Variants in DNAJC11 observed in about 807,000 individuals in gnomAD.
The protein encoded by DNAJC11 is dnaJ homolog subfamily C member 11.
A neutral mutation model predicts 78.6 loss-of-function variants in DNAJC11; 15 were observed. The observed-to-expected ratio is 0.19, with a 90% CI of 0.13 to 0.29. The LOEUF is 0.29. DNAJC11 is among the 10% of genes least tolerant of loss of function. The pLI is 1.00. For missense variants in DNAJC11, 547 were observed against 709.6 expected (o/e 0.77, Z 2.60); for synonymous variants, 292 against 272.1 (o/e 1.07, Z -0.72).
rs571708262 is a variant in DNAJC11 at position 6,651,397 on chromosome 1, G to C, written c.704+132C>G. On this transcript the variant is annotated intron_variant, in intron 7 of 15. Coordinates refer to ENST00000377577, the MANE Select transcript of DNAJC11 (RefSeq NM_018198.4). ...TGGGCTTCACGCCAGTGCTATACCTGCCCTTGATGTACGCAGTGACCTTGT... is the reference window on the plus strand; with the variant it reads ...TGGGCTTCACGCCAGTGCTATACCTCCCCTTGATGTACGCAGTGACCTTGT... 14 of 774,478 alleles carry C rather than the reference G, an allele frequency of 1.8e-5. No individual in the cohort carries two copies. In the South Asian group the frequency reaches 2.3e-4, roughly 13 times the overall value. The allele number at this position is 774,478 out of a possible 1,614,324, so 48.0% of individuals were successfully genotyped here.
At chr1:6,636,077 GC>G in intron 15 of DNAJC11, 39 bp downstream of exon 15, 1 of 1,590,712 alleles carries the variant, frequency 6.3e-7, no homozygotes, top group Admixed American at 1.7e-5. Context: ...CGAGGTCCCC[GC>G]CCCCGTTAGC....
At chr1:6,652,775 T>A in intron 6 of DNAJC11, 54 bp downstream of exon 6, 1 of 1,609,322 alleles carries the variant, frequency 6.2e-7, no homozygotes, top group East Asian at 2.2e-5. Context: ...AGTGTAAATG[T>A]TCAGAAATAA....
At chr1:6,639,231 A>G (rs1044470573) in intron 11 of DNAJC11, among the ~76,000 whole-genome samples, 3 of 152,094 alleles carry the variant, frequency 2.0e-5, no homozygotes, top group African/African-American at 7.2e-5. Context: ...CAGGCCCCTC[A>G]CATACGGATC....
At chr1:6,671,762 G>A (rs1642384035) in intron 3 of DNAJC11, among the ~76,000 whole-genome samples, 1 of 151,842 alleles carries the variant, frequency 6.6e-6, no homozygotes, top group African/African-American at 2.4e-5. Context: ...TTGTTCTCCT[G>A]ACCTCGTGAT....
At chr1:6,644,941 A>C in intron 9 of DNAJC11, 100 bp downstream of exon 9, 1 of 1,135,628 alleles carries the variant, frequency 8.8e-7, no homozygotes, top group Non-Finnish European at 1.3e-6. Context: ...ACACACACGT[A>C]GATATTCACA....
intron 12 of DNAJC11, 102 bp downstream of exon 12, chr1:6,638,193 T>C (rs1641816141): frequency 4.3e-6 from 5 of 1,172,262 alleles, no homozygotes; most frequent in South Asian, 3.2e-5. Context: ...AGCCAAGTTG[T>C]TGGAGAAGAG....
intron 4 of DNAJC11, among the ~76,000 whole-genome samples, chr1:6,663,966 A>T (rs1642256913): frequency 6.6e-6 from 1 of 152,190 alleles, no homozygotes; most frequent in South Asian, 2.1e-4. Flanking sequence ...GGCCCTGGAC[A>T]CCAAGTCCAA....
Position 6,636,248 on chromosome 1 carries a change from T to TG in DNAJC11, c.1525-3dup. ...GTCATAAAAGCCAGGCAGCCCAGCCTGTAACAAACAAATTGCTACTCTCAA... is the reference window on the plus strand; with the variant it reads ...GTCATAAAAGCCAGGCAGCCCAGCCTGGTAACAAACAAATTGCTACTCTCAA... On this transcript the variant is annotated splice_region_variant and splice_polypyrimidine_tract_variant and intron_variant, in intron 14 of 15. Transcript: ENST00000377577. The TG allele has an allele frequency of 6.2e-7, 1 of 1,613,944 alleles. No individual in the cohort carries two copies. The highest frequency in any genetic ancestry group is 1.1e-5 in the South Asian group (1 of 91,086).
chr1:6,687,916 C>T (rs1557487952), intron 1 of DNAJC11, among the ~76,000 whole-genome samples: 1 of 152,184 alleles, frequency 6.6e-6, no homozygotes, highest in Non-Finnish European at 1.5e-5. Context: ...TAACGTGAGA[C>T]TAACCTGTAT....
At position 6,664,341 on chromosome 1, in the gene DNAJC11, G is replaced by A. The variant is rs534675146; in HGVS notation, c.378+3368C>T. On this transcript the variant is annotated intron_variant, in intron 4 of 15. Coordinates refer to ENST00000377577, the MANE Select transcript of DNAJC11 (RefSeq NM_018198.4). ...TGCAAGCTCTGCCTCCTGGGTTCAC[G>A]CCATTCTCCTACTTCAGCCTCCTGA... Among the ~76,000 whole-genome samples the A allele has an allele frequency of 5.1e-4, 78 of 151,552 alleles. No homozygotes were observed. In the East Asian group the frequency reaches 8.8e-3, roughly 17 times the overall value.
intron 3 of DNAJC11, among the ~76,000 whole-genome samples, chr1:6,676,327 T>C (rs1487435090): frequency 4.6e-5 from 7 of 152,198 alleles, no homozygotes; most frequent in Non-Finnish European, 5.9e-5. Context: ...TGAATTATCA[T>C]GCAGAACCTC....
intron 3 of DNAJC11, among the ~76,000 whole-genome samples, chr1:6,676,046 T>C (rs1194178921): frequency 1.3e-5 from 2 of 152,180 alleles, no homozygotes; most frequent in Non-Finnish European, 2.9e-5. Context: ...ACTTTCCTTT[T>C]TGGATGAGAA....
At chr1:6,669,570 G>GA (rs1570293909) in intron 3 of DNAJC11, among the ~76,000 whole-genome samples, 1 of 141,818 alleles carries the variant, frequency 7.1e-6, no homozygotes, top group East Asian at 2.0e-4. Flanking sequence ...GAAAAGAAAA[G>GA]AAAAGAAGGC....
chr1:6,663,170 A>C (rs959207892), intron 4 of DNAJC11, among the ~76,000 whole-genome samples: 1 of 152,246 alleles, frequency 6.6e-6, no homozygotes, highest in Admixed American at 6.5e-5. Flanking sequence ...CAAAGAGTGT[A>C]TATCAACCTC....
chr1:6,669,695 T>C (rs1642348362), intron 3 of DNAJC11, among the ~76,000 whole-genome samples: 1 of 152,072 alleles, frequency 6.6e-6, no homozygotes, highest in Non-Finnish European at 1.5e-5. Context: ...GCACGATTTC[T>C]AAGGGTCCTG....
intron 1 of DNAJC11, among the ~76,000 whole-genome samples, chr1:6,691,455 G>A (rs1570314598): frequency 6.6e-6 from 1 of 152,238 alleles, no homozygotes; most frequent in Non-Finnish European, 1.5e-5. Flanking sequence ...AAAATCAAAA[G>A]GCCCCAGTCT....
intron 1 of DNAJC11, 78 bp downstream of exon 1, chr1:6,701,651 G>C: frequency 7.1e-7 from 1 of 1,412,614 alleles, no homozygotes; most frequent in Non-Finnish European, 9.4e-7. Context: ...GCGGGGGTGG[G>C]GCGGCCACCG....
chr1:6,669,513 T>TA lies in DNAJC11; in HGVS notation c.277-1704dup, dbSNP rs535333392. ...GCAACATGAGCAAGAAACTCTGTCTTAGAAAAGAAAAGAAAAGAAAAGAAA... is the reference window on the plus strand; with the variant it reads ...GCAACATGAGCAAGAAACTCTGTCTTAAGAAAAGAAAAGAAAAGAAAAGAAA... On this transcript the variant is annotated intron_variant, in intron 3 of 15. Coordinates refer to ENST00000377577, the MANE Select transcript of DNAJC11 (RefSeq NM_018198.4). Among the ~76,000 whole-genome samples the TA allele has an allele frequency of 6.7e-3, 813 of 121,850 alleles. 5 individuals are homozygous for TA. The highest frequency in any genetic ancestry group is 8.8e-3 in the Non-Finnish European group (522 of 59,018). 79.9% of individuals were successfully genotyped at this position (121,850 alleles called of 152,430 possible).
intron 7 of DNAJC11, among the ~76,000 whole-genome samples, chr1:6,646,921 TGAG>T (rs975869377): frequency 7.9e-5 from 12 of 151,638 alleles, no homozygotes; most frequent in African/African-American, 2.4e-4. Flanking sequence ...TTTGGGAGGC[TGAG>T]GAGGCAAATT....
Sources: gnomAD v4.1 joint callset for allele counts (sites outside exome capture counted in the v4.1 genomes callset) on GRCh38, gnomAD v4.1.1 for gene constraint, MANE v1.5 for transcripts, NCBI Gene and HGNC (gene_info 2026-07-23, HGNC 2026-07-21) for gene names.